Variants in KAZN observed in about 807,000 individuals in gnomAD.
The protein encoded by KAZN is kazrin.
In KAZN, 40 loss-of-function variants were observed where a neutral mutation model predicts 87.4. That is an observed-to-expected ratio of 0.46 (90% CI 0.36 to 0.60). The LOEUF (loss-of-function observed/expected upper bound fraction) is 0.60, where lower values mean the gene tolerates loss of function less well. KAZN is among the 20% of genes least tolerant of loss of function. KAZN has a pLI of 0.00. For missense variants in KAZN, 898 were observed against 1,073.9 expected, an observed-to-expected ratio of 0.84 and a Z score of 2.29; for synonymous variants, 466 against 458.3, an observed-to-expected ratio of 1.02 and a Z score of -0.22.
intron 2 of KAZN, among the ~76,000 whole-genome samples, chr1:14,297,293 T>A (rs1261117783): frequency 6.6e-6 from 1 of 152,214 alleles, no homozygotes; most frequent in Non-Finnish European, 1.5e-5. Context: ...CCATGTTTAT[T>A]GCAAGCCAGA....
chr1:15,065,954 T>C lies in KAZN; in HGVS notation c.1222+201T>C, dbSNP rs12057431. 0.024 allele frequency: 33,978 copies of C among 1,392,874 alleles called. 3,491 individuals are homozygous for C. In the African/African-American group the frequency reaches 0.3, roughly 12 times the overall value. The allele number at this position is 1,392,874 out of a possible 1,614,324, so 86.3% of individuals were successfully genotyped here. On this transcript the variant is annotated intron_variant, in intron 8 of 14. Coordinates refer to ENST00000376030, the MANE Select transcript of KAZN (RefSeq NM_201628.3). ...GGTGTGGCCGAGCGCCTCTAACAAG[T>C]GAAAACACGAGTGTGAACCTCTCTC...
At chr1:14,329,270 AATGTTC>A (rs1656676394) in intron 2 of KAZN, among the ~76,000 whole-genome samples, 1 of 152,028 alleles carries the variant, frequency 6.6e-6, no homozygotes, top group Admixed American at 6.6e-5. Flanking sequence ...CATCCAGGAA[AATGTTC>A]TGTTGGCTTA....
intron 1 of KAZN, among the ~76,000 whole-genome samples, chr1:14,103,104 G>A (rs1289853055): frequency 6.6e-6 from 1 of 151,920 alleles, no homozygotes; most frequent in Non-Finnish European, 1.5e-5. Flanking sequence ...ATTTTTAGTA[G>A]AGCTGAGGGT....
intron 1 of KAZN, among the ~76,000 whole-genome samples, chr1:13,895,466 A>G (rs893210543): frequency 1.3e-4 from 20 of 152,232 alleles, no homozygotes; most frequent in Admixed American, 1.2e-3. Context: ...TTTTTAAAAA[A>G]ACATCCTTTA....
At chr1:14,436,465 C>T (rs1159123961) in intron 2 of KAZN, among the ~76,000 whole-genome samples, 1 of 151,912 alleles carries the variant, frequency 6.6e-6, no homozygotes, top group East Asian at 1.9e-4. Flanking sequence ...TTAAAACAAT[C>T]CCAGTACTTT....
chr1:14,736,252 A>AGGGT (rs1643894497), intron 1 of KAZN, among the ~76,000 whole-genome samples: 1 of 113,196 alleles, frequency 8.8e-6, no homozygotes, highest in Non-Finnish European at 1.8e-5. Context: ...GTGGGACTCA[A>AGGGT]GGGTGTGTGT....
At chr1:14,013,484 T>C (rs190466155) in intron 1 of KAZN, among the ~76,000 whole-genome samples, 2 of 152,238 alleles carry the variant, frequency 1.3e-5, no homozygotes, top group Non-Finnish European at 2.9e-5. Flanking sequence ...TTTTGCTTTT[T>C]CCCTTGGTAG....
chr1:14,287,730 G>A (rs1452045922), intron 2 of KAZN, among the ~76,000 whole-genome samples: 2 of 152,176 alleles, frequency 1.3e-5, no homozygotes, highest in Admixed American at 6.5e-5. Context: ...AATATGAGTG[G>A]TGAGAGAGGG....
chr1:14,558,578 T>C (rs1674058180), intron 2 of KAZN, among the ~76,000 whole-genome samples: 1 of 152,182 alleles, frequency 6.6e-6, no homozygotes, highest in South Asian at 2.1e-4. Context: ...ATGTTCTGTT[T>C]CTTGGTCAGA....
chr1:14,455,397 T>C (rs1667511686), intron 2 of KAZN, among the ~76,000 whole-genome samples: 1 of 152,218 alleles, frequency 6.6e-6, no homozygotes, highest in African/African-American at 2.4e-5. Context: ...TCTGGAACTT[T>C]CCATCCTGTA....
chr1:14,599,003 G>A lies in KAZN; in HGVS notation c.6G>A (p.Met2Ile). 1 of 1,571,438 alleles carries A rather than the reference G, an allele frequency of 6.4e-7. No homozygotes were observed. Among genetic ancestry groups the A allele is most frequent in the Non-Finnish European group, 8.6e-7 (1 of 1,162,418 alleles). The change falls in exon 1 of 15, where the codon ATG becomes ATA. Residue 2 changes from methionine (M) to isoleucine (I), a missense_variant. Around this residue, in one of 3 missense-constraint regions of KAZN, gnomAD observed 250 missense variants for 263.0 expected, o/e 0.95. Coordinates refer to ENST00000376030, the MANE Select transcript of KAZN (RefSeq NM_201628.3). This position sits in a 1 kb window ranked among gnomAD's most constrained non-coding sequence, Gnocchi z 4.4. ...CCCAGGCCAAAATCCTGAGCATGAT[G>A]GAAGACAATAAGCAGCTCGCGCTCC... MMEDNKQLALRI... is the reference protein window; with the variant it reads MIEDNKQLALRI...
At chr1:14,578,572 TATTTAATTGAAAAGGGAAGA>T (rs1675338756) in intron 2 of KAZN, among the ~76,000 whole-genome samples, 1 of 152,182 alleles carries the variant, frequency 6.6e-6, no homozygotes, top group African/African-American at 2.4e-5. Flanking sequence ...TCTGGGTGAT[TATTTAATTGAAAAGGGAAGA>T]ATTTAAATGA....
intron 2 of KAZN, among the ~76,000 whole-genome samples, chr1:14,971,593 G>A (rs1219547589): frequency 6.6e-6 from 1 of 151,548 alleles, no homozygotes; most frequent in Non-Finnish European, 1.5e-5. Context: ...GGGAAGAGAG[G>A]AGAAAGAGGA....
At chr1:14,858,288 C>T (rs1351763188) in intron 1 of KAZN, among the ~76,000 whole-genome samples, 2 of 140,270 alleles carry the variant, frequency 1.4e-5, no homozygotes, top group African/African-American at 5.7e-5. Context: ...TCTTGGCTCA[C>T]CGCAACCTCC....
intron 1 of KAZN, among the ~76,000 whole-genome samples, chr1:14,774,963 TCAAAAGCAGACACGGTC>T (rs1240959028): frequency 1.3e-5 from 2 of 152,094 alleles, no homozygotes; most frequent in Non-Finnish European, 2.9e-5. Flanking sequence ...ACTTGATTGA[TCAAAAGCAGACACGGTC>T]CTGCCCTCAT....
intron 10 of KAZN, among the ~76,000 whole-genome samples, chr1:15,097,997 C>A (rs1054288585): frequency 2.0e-5 from 3 of 152,098 alleles, no homozygotes; most frequent in Admixed American, 1.3e-4. Flanking sequence ...TGTCCCAGAC[C>A]CTGTGTTAGG....
intron 1 of KAZN, among the ~76,000 whole-genome samples, chr1:13,944,827 G>A (rs1172945140): frequency 6.6e-6 from 1 of 152,024 alleles, no homozygotes; most frequent in East Asian, 1.9e-4. Context: ...ACATAAAATA[G>A]TTTTGACAAG....
At chr1:14,863,572 CAG>C (rs1274703154) in intron 1 of KAZN, among the ~76,000 whole-genome samples, 2 of 152,112 alleles carry the variant, frequency 1.3e-5, no homozygotes, top group Non-Finnish European at 2.9e-5. Context: ...TTTGGGGGAT[CAG>C]AGAGGAATTG....
In KAZN at chr1:15,114,687, A is replaced by T; in HGVS notation, c.*52A>T. On this transcript the variant is annotated 3_prime_UTR_variant, in exon 15 of 15. Transcript: ENST00000376030. ...CGTGAGAGACCCAGGAAGGAAGAGA[A>T]GCCAGATGGCCCCAGGTGTCGTTCT... 1 of 1,530,374 alleles carries T rather than the reference A, an allele frequency of 6.5e-7. No homozygotes were observed. Among genetic ancestry groups the T allele is most frequent in the South Asian group, 1.2e-5 (1 of 82,060 alleles). 94.8% of individuals were successfully genotyped at this position (1,530,374 alleles called of 1,614,324 possible).
Sources: allele counts gnomAD v4.1 joint callset (sites outside exome capture counted in the v4.1 genomes callset), GRCh38; gene constraint gnomAD v4.1.1; regional missense constraint gnomAD v4.1.1; non-coding constraint Gnocchi (gnomAD v3.1); transcripts MANE v1.5; gene names NCBI Gene and HGNC (gene_info 2026-07-23, HGNC 2026-07-21).